Variants in MBTD1 observed in about 807,000 individuals in gnomAD.
MBTD1 encodes the protein MBT domain-containing protein 1.
A neutral mutation model predicts 87.8 loss-of-function variants in MBTD1; 24 were observed. That is an observed-to-expected ratio of 0.27 (90% confidence interval 0.20 to 0.38). The LOEUF (loss-of-function observed/expected upper bound fraction) is 0.38. MBTD1 is among the 10% of genes least tolerant of loss of function. The pLI is 1.00. For synonymous variants in MBTD1, 237 were observed against 248.6 expected (o/e 0.95, Z 0.44); for missense variants, 436 against 760.2 (o/e 0.57, Z 5.02).
intron 2 of MBTD1, among the ~76,000 whole-genome samples, chr17:51,228,456 T>C (rs75846662): frequency 0.037 from 5,493 of 150,316 alleles, 281 homozygotes; most frequent in African/African-American, 0.11. Flanking sequence ...GCTGGTCTTA[T>C]GTCTCCTCCA....
At chr17:51,194,644 G>C (rs1029950709) in intron 13 of MBTD1, among the ~76,000 whole-genome samples, 124 of 150,352 alleles carry the variant, frequency 8.2e-4, no homozygotes, top group African/African-American at 2.9e-3. Context: ...ACTTTGGGGA[G>C]GCTGAGGTGG....
At chr17:51,256,571 ATTAG>A (rs1441460560) in intron 2 of MBTD1, 1 of 152,208 alleles carries the variant, frequency 6.6e-6, no homozygotes, top group African/African-American at 2.4e-5. Context: ...GATTATAATG[ATTAG>A]TTATGCTTAG....
chr17:51,186,057 G>C (rs983325209), intron 16 of MBTD1: 1 of 152,850 alleles, frequency 6.5e-6, no homozygotes, highest in African/African-American at 2.4e-5. Flanking sequence ...CTCTCGGCTA[G>C]TGCTGGGAGG....
intron 10 of MBTD1, 58 bp from the exon 11 acceptor site, chr17:51,202,135 G>A (rs994159001): frequency 1.4e-5 from 14 of 988,456 alleles, no homozygotes; most frequent in African/African-American, 8.0e-5. Flanking sequence ...CAAAAACCAC[G>A]TTCTTTGAAG....
At chr17:51,194,566 C>CCAA (rs2050979772) in intron 13 of MBTD1, among the ~76,000 whole-genome samples, 1 of 19,752 alleles carries the variant, frequency 5.1e-5, no homozygotes, top group Non-Finnish European at 8.2e-5. Context: ...GAGACTGTCT[C>CCAA]AAAAAAAAAA....
intron 6 of MBTD1, chr17:51,209,231 T>C: frequency 2.7e-6 from 1 of 374,868 alleles, no homozygotes; most frequent in Non-Finnish European, 5.4e-6. Context: ...CTTCTCTTGC[T>C]GGCAGGAGGG....
At chr17:51,227,242 C>CAAAAAAAAAAA (rs71149355) in intron 2 of MBTD1, among the ~76,000 whole-genome samples, 1 of 115,606 alleles carries the variant, frequency 8.7e-6, no homozygotes, top group Admixed American at 9.2e-5. Context: ...ACTCTGTCTC[C>CAAAAAAAAAAA]AAAAAAAAAA....
At chr17:51,232,363 A>G (rs924871449) in intron 2 of MBTD1, among the ~76,000 whole-genome samples, 2 of 152,106 alleles carry the variant, frequency 1.3e-5, no homozygotes, top group South Asian at 2.1e-4. Context: ...CAAACACATA[A>G]TAAGTAATCC....
chr17:51,202,021 C>A lies in MBTD1; in HGVS notation c.1119+1G>T. ...TGAGGGTTCTTATAAAAACTTCTTA[C>A]CTTAGCAAATAAATGTGGTGGTGTA... is the stretch of plus-strand genomic sequence containing the variant. On this transcript the variant is annotated splice_donor_variant, in intron 11 of 16. Coordinates refer to ENST00000586178, the MANE Select transcript of MBTD1 (RefSeq NM_017643.3). LOFTEE classifies it high-confidence loss of function. 6.2e-7 allele frequency: 1 copy of A among 1,602,898 alleles called. No individual in the cohort carries two copies. Among genetic ancestry groups the A allele is most frequent in the Non-Finnish European group, 8.5e-7 (1 of 1,171,254 alleles).
At position 51,259,871 on chromosome 17, in the gene MBTD1, A is replaced by G; in HGVS notation, c.-149T>C. On this transcript the variant is annotated 5_prime_UTR_variant, in exon 1 of 17. Coordinates refer to ENST00000586178, the MANE Select transcript of MBTD1 (RefSeq NM_017643.3). The stretch of plus-strand genomic sequence containing the variant: ...TGTTTTCCATCAGGGCCTCATGGGT[A>G]GGGGTTGTCCGTGCTCCCCGAGCCC... 1 of 1,231,540 alleles carries G rather than the reference A, an allele frequency of 8.1e-7. No individual in the cohort carries two copies. The highest frequency in any genetic ancestry group is 1.0e-6 in the Non-Finnish European group (1 of 987,750). 76.3% of individuals were successfully genotyped at this position (1,231,540 alleles called of 1,614,324 possible).
intron 13 of MBTD1, 125 bp downstream of exon 13, chr17:51,195,089 T>C (rs1287291266): frequency 2.9e-6 from 2 of 698,722 alleles, no homozygotes; most frequent in East Asian, 2.9e-5. Flanking sequence ...CCTGTATGTA[T>C]ATGTTTATCC....
chr17:51,200,164 GT>G (rs146804307), intron 12 of MBTD1, among the ~76,000 whole-genome samples: 15,148 of 152,142 alleles, frequency 0.1, 1,150 homozygotes, highest in African/African-American at 0.2. Context: ...GTTTTAAACT[GT>G]TGAAATGCAA....
intron 6 of MBTD1, among the ~76,000 whole-genome samples, chr17:51,215,069 A>C (rs2052488725): frequency 6.6e-6 from 1 of 152,212 alleles, no homozygotes; most frequent in African/African-American, 2.4e-5. Flanking sequence ...AAAACATACC[A>C]AGGAATTACT....
rs1283964709 is a variant in MBTD1, at chr17:51,217,264, G to A, written c.486+70C>T. The A allele has an allele frequency of 6.2e-6, 5 of 803,316 alleles. No homozygotes were observed. The Admixed American group carries it at 8.9e-5, about 14-fold the overall frequency. The allele number at this position is 803,316 out of a possible 1,614,324, so 49.8% of individuals were successfully genotyped here. On this transcript the variant is annotated intron_variant, in intron 6 of 16. Transcript: ENST00000586178. ...CACCTTCTAAGGATAAGATGCTTAG[G>A]TGTTATTGTACCTTCAGATTTAAAC...
intron 6 of MBTD1, among the ~76,000 whole-genome samples, chr17:51,213,179 C>T (rs2052356988): frequency 6.6e-6 from 1 of 152,138 alleles, no homozygotes; most frequent in South Asian, 2.1e-4. Context: ...GCTGGGACTA[C>T]AGGCATGTGC....
Position 51,178,537 on chromosome 17 carries a change from C to T in MBTD1, c.*2039G>A, listed in dbSNP as rs1343385335. 2 of 152,220 alleles carry T rather than the reference C, an allele frequency of 1.3e-5. No homozygotes were observed. The highest frequency in any genetic ancestry group is 4.8e-5 in the African/African-American group (2 of 41,446). 9.4% of individuals were successfully genotyped at this position (152,220 alleles called of 1,614,324 possible). A position where few individuals can be genotyped will look rare whatever the true frequency, so the allele number is the denominator to read the frequency against. On this transcript the variant is annotated 3_prime_UTR_variant, in exon 17 of 17. Transcript: ENST00000586178. ...TCCAAGGTACTGGCAGAGTACACTA[C>T]ACAACAGGCTTCTTGTGCCTGTGCT... is the stretch of plus-strand genomic sequence containing the variant.
At chr17:51,260,528 G>C, upstream of MBTD1, 1 of 1,544,902 alleles carries the variant, frequency 6.5e-7, no homozygotes, top group Non-Finnish European at 8.7e-7. Flanking sequence ...CGAGGGGCCT[G>C]GGCGCATGCG....
At chr17:51,193,763 C>T (rs902795903) in intron 13 of MBTD1, among the ~76,000 whole-genome samples, 1 of 152,168 alleles carries the variant, frequency 6.6e-6, no homozygotes, top group African/African-American at 2.4e-5. Flanking sequence ...GGACTACAGG[C>T]ACATGCCACT....
chr17:51,248,844 G>A (rs771677548), intron 2 of MBTD1, among the ~76,000 whole-genome samples: 1 of 152,168 alleles, frequency 6.6e-6, no homozygotes, highest in African/African-American at 2.4e-5. Context: ...ACTTCAAGAC[G>A]GAAGTGCAAT....
Sources: gnomAD v4.1 joint callset for allele counts (sites outside exome capture counted in the v4.1 genomes callset) on GRCh38, gnomAD v4.1.1 for gene constraint, MANE v1.5 for transcripts, NCBI Gene and HGNC (gene_info 2026-07-23, HGNC 2026-07-21) for gene names.